Variants in PTPRD observed in about 807,000 individuals in gnomAD.
The protein encoded by PTPRD is receptor-type tyrosine-protein phosphatase delta.
In PTPRD, 34 loss-of-function variants were observed where a neutral mutation model predicts 214.5. The observed-to-expected ratio is 0.16, with a 90% CI of 0.12 to 0.21. The LOEUF (loss-of-function observed/expected upper bound fraction) is 0.21. PTPRD is among the 10% of genes least tolerant of loss of function. The pLI is 1.00. For missense variants in PTPRD, 2,545 were observed against 2,398.7 expected, an observed-to-expected ratio of 1.06 and a Z score of -1.27; for synonymous variants, 1,128 against 845.7, an observed-to-expected ratio of 1.33 and a Z score of -5.79.
chr9:9,653,732 T>A (rs1309834472), intron 7 of PTPRD, among the ~76,000 whole-genome samples: 1 of 152,204 alleles, frequency 6.6e-6, no homozygotes, highest in Non-Finnish European at 1.5e-5. Context: ...GTTTTGGATA[T>A]TGCCAACATT....
chr9:9,317,736 C>T (rs547628706), intron 9 of PTPRD, among the ~76,000 whole-genome samples: 1 of 152,110 alleles, frequency 6.6e-6, no homozygotes, highest in African/African-American at 2.4e-5. Flanking sequence ...AACTTATTTA[C>T]CTGAAGCACA....
chr9:9,662,870 TGATA>T (rs1291671672), intron 7 of PTPRD, among the ~76,000 whole-genome samples: 2 of 151,636 alleles, frequency 1.3e-5, no homozygotes, highest in African/African-American at 2.4e-5. Context: ...TTTGATTCCC[TGATA>T]GATTGTACAG....
chr9:10,112,489 T>G (rs1354172412), intron 3 of PTPRD, among the ~76,000 whole-genome samples: 3 of 151,880 alleles, frequency 2.0e-5, no homozygotes, highest in Non-Finnish European at 4.4e-5. Context: ...TATAAGTAAA[T>G]GAAGGTCACT....
At chr9:9,408,522 C>T (rs1327852814) in intron 8 of PTPRD, among the ~76,000 whole-genome samples, 2 of 151,696 alleles carry the variant, frequency 1.3e-5, no homozygotes, top group Admixed American at 1.3e-4. Context: ...TCTCAATTAG[C>T]GGATTCATTT....
intron 11 of PTPRD, among the ~76,000 whole-genome samples, chr9:8,904,523 T>G (rs143910292): frequency 6.6e-6 from 1 of 152,048 alleles, no homozygotes; most frequent in Non-Finnish European, 1.5e-5. Context: ...AACACAAAAA[T>G]TAGCCAGCTA....
chr9:9,950,441 G>GA (rs543890573), intron 4 of PTPRD, among the ~76,000 whole-genome samples: 6,447 of 100,942 alleles, frequency 0.064, 2,416 homozygotes, highest in East Asian at 0.34. Flanking sequence ...GAAGAAAGTG[G>GA]AGGCCGGGCG....
At chr9:8,552,382 G>A (rs1272888822) in intron 14 of PTPRD, among the ~76,000 whole-genome samples, 1 of 152,162 alleles carries the variant, frequency 6.6e-6, no homozygotes, top group Non-Finnish European at 1.5e-5. Context: ...GAGAGTTTTT[G>A]ACAGAGTATG....
At chr9:9,778,376 G>T (rs1448286496) in intron 5 of PTPRD, among the ~76,000 whole-genome samples, 1 of 152,140 alleles carries the variant, frequency 6.6e-6, no homozygotes, top group Non-Finnish European at 1.5e-5. Context: ...GATTTCCCTG[G>T]GGAAAAGGCA....
At chr9:10,022,931 C>T (rs944410454) in intron 4 of PTPRD, among the ~76,000 whole-genome samples, 1 of 152,050 alleles carries the variant, frequency 6.6e-6, no homozygotes, top group African/African-American at 2.4e-5. Context: ...TTTTATGCTT[C>T]CAGAAACATC....
At chr9:8,781,995 G>A (rs563436116) in intron 11 of PTPRD, among the ~76,000 whole-genome samples, 10 of 151,152 alleles carry the variant, frequency 6.6e-5, no homozygotes, top group Admixed American at 2.0e-4. Context: ...TTTTTCAAAC[G>A]GACAAAAACT....
chr9:9,009,023 AT>A (rs2099495929), intron 11 of PTPRD, among the ~76,000 whole-genome samples: 1 of 152,158 alleles, frequency 6.6e-6, no homozygotes, highest in Admixed American at 6.5e-5. Flanking sequence ...GATGAAATCT[AT>A]TTGAAAGACA....
intron 11 of PTPRD, among the ~76,000 whole-genome samples, chr9:8,750,465 T>C (rs1260612497): frequency 6.6e-6 from 1 of 151,678 alleles, no homozygotes; most frequent in African/African-American, 2.4e-5. Flanking sequence ...GCCAAGTAAG[T>C]TTTTTTTAAG....
intron 3 of PTPRD, among the ~76,000 whole-genome samples, chr9:10,194,940 AATTTTTTTTTTTTTTTTTG>A (rs2099391448): frequency 1.4e-5 from 2 of 146,040 alleles, no homozygotes; most frequent in South Asian, 4.6e-4. Context: ...ATTTTCATTT[AATTTTTTTTTTTTTTTTTG>A]AGACAGAGTC....
At chr9:8,341,061 T>C (rs1370630093) in intron 41 of PTPRD, 29 bp downstream of exon 41, 3 of 1,547,570 alleles carry the variant, frequency 1.9e-6, no homozygotes, top group East Asian at 2.3e-5. Flanking sequence ...ATCAAGGCTT[T>C]GGATAGTCAG....
intron 10 of PTPRD, among the ~76,000 whole-genome samples, chr9:9,062,566 A>G (rs1015085423): frequency 6.0e-5 from 9 of 150,992 alleles, no homozygotes; most frequent in East Asian, 1.9e-4. Context: ...TTATCTATCT[A>G]TCTATCTATC....
intron 2 of PTPRD, among the ~76,000 whole-genome samples, chr9:10,611,913 C>G (rs566614201): frequency 1.3e-5 from 2 of 150,804 alleles, no homozygotes; most frequent in Admixed American, 1.3e-4. Context: ...CCGCCCCCCC[C>G]CCCTTTTTTT....
intron 5 of PTPRD, among the ~76,000 whole-genome samples, chr9:9,769,185 G>C (rs1000147820): frequency 1.3e-5 from 2 of 152,010 alleles, no homozygotes; most frequent in Non-Finnish European, 2.9e-5. Flanking sequence ...GAAAAGTTCT[G>C]AAAGTCAAGC....
chr9:10,424,313 TTCTCTCTCTCTCTC>T (rs35994999), intron 2 of PTPRD, among the ~76,000 whole-genome samples: 2 of 145,484 alleles, frequency 1.4e-5, no homozygotes, highest in African/African-American at 2.5e-5. Context: ...TGGTTTCCTT[TTCTCTCTCTCTCTC>T]TCTCTCTCTC....
At chr9:8,662,950 G>C (rs1466739530) in intron 12 of PTPRD, among the ~76,000 whole-genome samples, 5 of 152,002 alleles carry the variant, frequency 3.3e-5, no homozygotes, top group African/African-American at 1.2e-4. Flanking sequence ...AGACACACCA[G>C]GGAAGGAATT....
Sources: allele counts gnomAD v4.1 joint callset (sites outside exome capture counted in the v4.1 genomes callset), GRCh38; gene constraint gnomAD v4.1.1; transcripts MANE v1.5; gene names NCBI Gene and HGNC (gene_info 2026-07-23, HGNC 2026-07-21).